DOCK3: variants seen among roughly 807,000 people sequenced by gnomAD.
DOCK3 encodes the protein dedicator of cytokinesis 3, also known as dedicator of cytokinesis protein 3.
A neutral mutation model predicts 265.6 loss-of-function variants in DOCK3; 60 were observed. That is an observed-to-expected ratio of 0.23 (90% CI 0.18 to 0.28). DOCK3 has a LOEUF of 0.28. DOCK3 is among the 10% of genes least tolerant of loss of function. The probability of loss-of-function intolerance (pLI) is 1.00; values close to 1 mark genes in which losing one functional copy is unlikely to be tolerated. For missense variants in DOCK3, 1,981 were observed against 2,594.3 expected, an observed-to-expected ratio of 0.76 and a Z score of 5.14; for synonymous variants, 881 against 938.0, an observed-to-expected ratio of 0.94 and a Z score of 1.11.
intron 27 of DOCK3, among the ~76,000 whole-genome samples, chr3:51,305,225 T>C (rs1339826287): frequency 1.3e-5 from 2 of 152,180 alleles, no homozygotes; most frequent in Admixed American, 6.5e-5. Flanking sequence ...GCATTATATA[T>C]TTTGAGGCTG....
intron 51 of DOCK3, among the ~76,000 whole-genome samples, chr3:51,377,858 G>A (rs1036985589): frequency 6.6e-6 from 1 of 152,246 alleles, no homozygotes; most frequent in Non-Finnish European, 1.5e-5. Context: ...AGGGCTAGGT[G>A]TGCATCTGAG....
chr3:50,750,560 C>T (rs1265495965), intron 1 of DOCK3, among the ~76,000 whole-genome samples: 3 of 152,134 alleles, frequency 2.0e-5, no homozygotes, highest in Admixed American at 6.5e-5. Context: ...GATCTCTTGA[C>T]CTCATGATCT....
chr3:50,900,949 G>A (rs1438588913), intron 4 of DOCK3: 2 of 426,222 alleles, frequency 4.7e-6, no homozygotes, highest in Admixed American at 2.7e-5. Context: ...GGAGGCACGG[G>A]GGTCAGGGAC....
Position 51,159,134 on chromosome 3 carries a change from C to T in DOCK3, c.829-110C>T, listed in dbSNP as rs2086006133. ...TTAAAGTGCTATATGCTGTAATCTC[C>T]CTTCCCCTGCCTATAACATACAGTA... On this transcript the variant is annotated intron_variant, in intron 10 of 52. Transcript: ENST00000266037. 6.2e-6 allele frequency: 6 copies of T among 967,900 alleles called. No individual in the cohort carries two copies. The Admixed American group carries it at 7.9e-5, about 13-fold the overall frequency. 60.0% of individuals were successfully genotyped at this position (967,900 alleles called of 1,614,324 possible).
intron 12 of DOCK3, among the ~76,000 whole-genome samples, chr3:51,202,448 C>T (rs2088851335): frequency 6.6e-6 from 1 of 151,952 alleles, no homozygotes; most frequent in Non-Finnish European, 1.5e-5. Flanking sequence ...AACATATACA[C>T]CCTCCCAAGA....
At chr3:50,978,252 G>GT (rs2077545520) in intron 5 of DOCK3, among the ~76,000 whole-genome samples, 3 of 149,912 alleles carry the variant, frequency 2.0e-5, no homozygotes, top group Admixed American at 2.0e-4. Flanking sequence ...TTTCTGTTCT[G>GT]TTTTTTCCCC....
chr3:51,354,220 A>ACCC (rs144722987), intron 40 of DOCK3, among the ~76,000 whole-genome samples: 36 of 129,426 alleles, frequency 2.8e-4, no homozygotes, highest in African/African-American at 8.1e-4. Flanking sequence ...CTTGATCACC[A>ACCC]CCCCCCCCCC....
At chr3:51,189,035 G>A (rs2087782566) in intron 12 of DOCK3, among the ~76,000 whole-genome samples, 1 of 152,074 alleles carries the variant, frequency 6.6e-6, no homozygotes, top group Non-Finnish European at 1.5e-5. Flanking sequence ...TTCCATAGTG[G>A]CTGTACTAGT....
chr3:51,302,683 C>T (rs2082422003), intron 27 of DOCK3, among the ~76,000 whole-genome samples: 1 of 152,008 alleles, frequency 6.6e-6, no homozygotes, highest in Admixed American at 6.6e-5. Context: ...TATGAAGCTT[C>T]GTTTGGCCAG....
chr3:50,846,976 A>G (rs1456969250), intron 3 of DOCK3, among the ~76,000 whole-genome samples: 1 of 151,776 alleles, frequency 6.6e-6, no homozygotes, highest in Non-Finnish European at 1.5e-5. Context: ...TGGGTTCTCA[A>G]TTTTGTTCAG....
At chr3:51,123,458 A>G (rs886648055) in intron 9 of DOCK3, among the ~76,000 whole-genome samples, 1 of 152,214 alleles carries the variant, frequency 6.6e-6, no homozygotes, top group Admixed American at 6.5e-5. Context: ...CACTACAAGG[A>G]CTCATAGGGC....
At chr3:51,329,386 C>A (rs941770939) in intron 32 of DOCK3, among the ~76,000 whole-genome samples, 11 of 152,068 alleles carry the variant, frequency 7.2e-5, no homozygotes, top group Non-Finnish European at 1.5e-5. Context: ...AATCAATCAA[C>A]AATCAAACAA....
intron 2 of DOCK3, among the ~76,000 whole-genome samples, chr3:50,784,885 G>T (rs766144830): frequency 6.6e-6 from 1 of 152,052 alleles, no homozygotes; most frequent in Admixed American, 6.6e-5. Flanking sequence ...GGCCAGGCAC[G>T]GTGGCTCACG....
At position 51,357,012 on chromosome 3, in the gene DOCK3, C is replaced by G; in HGVS notation, c.4554C>G (p.Asn1518Lys). 1 of 1,613,476 alleles carries G rather than the reference C, an allele frequency of 6.2e-7. No homozygotes were observed. The highest frequency in any genetic ancestry group is 8.5e-7 in the Non-Finnish European group (1 of 1,179,876). ...ENAIQVVENKNQELRSLISQY... is the reference protein window; with the variant it reads ...ENAIQVVENKKQELRSLISQY... ...CCATCCAAGTGGTTGAGAATAAGAACCAGGAGCTACGCTCCCTGATCAGCC... is the reference window on the plus strand; with the variant it reads ...CCATCCAAGTGGTTGAGAATAAGAAGCAGGAGCTACGCTCCCTGATCAGCC... The change falls in exon 44 of 53, where the codon AAC becomes AAG. Residue 1518 changes from asparagine (N) to lysine (K), a missense_variant. By Grantham distance (94) the Asn-to-Lys change is moderately conservative. Coordinates refer to ENST00000266037, the MANE Select transcript of DOCK3 (RefSeq NM_004947.5).
At chr3:50,698,185 C>T (rs1200628109) in intron 1 of DOCK3, among the ~76,000 whole-genome samples, 1 of 151,832 alleles carries the variant, frequency 6.6e-6, no homozygotes. Flanking sequence ...TACTCATTCT[C>T]TCTCCCCCAC....
At chr3:51,326,044 C>G (rs1384800374) in intron 32 of DOCK3, among the ~76,000 whole-genome samples, 1 of 131,404 alleles carries the variant, frequency 7.6e-6, no homozygotes, top group Non-Finnish European at 1.6e-5. Flanking sequence ...ACATGTACCC[C>G]AGAACCTAAA....
intron 19 of DOCK3, among the ~76,000 whole-genome samples, chr3:51,232,812 A>G (rs2108436874): frequency 6.6e-6 from 1 of 152,226 alleles, no homozygotes; most frequent in Non-Finnish European, 1.5e-5. Context: ...ATATTTTCTC[A>G]CACTGTGAGG....
At chr3:50,843,267 G>C (rs1349782552) in intron 3 of DOCK3, among the ~76,000 whole-genome samples, 1 of 152,174 alleles carries the variant, frequency 6.6e-6, no homozygotes, top group East Asian at 1.9e-4. Flanking sequence ...GCAACAGTCA[G>C]CTGTGGGGTC....
intron 3 of DOCK3, among the ~76,000 whole-genome samples, chr3:50,873,255 A>C (rs1285913707): frequency 6.6e-6 from 1 of 152,016 alleles, no homozygotes; most frequent in Non-Finnish European, 1.5e-5. Flanking sequence ...GCAGATGATG[A>C]ATTTTGCTAG....
Sources: allele counts gnomAD v4.1 joint callset (sites outside exome capture counted in the v4.1 genomes callset), GRCh38; gene constraint gnomAD v4.1.1; transcripts MANE v1.5; gene names NCBI Gene and HGNC (gene_info 2026-07-23, HGNC 2026-07-21).